The following SLCO3A1 variants were observed in gnomAD, a reference collection of about 807,000 sequenced individuals.
SLCO3A1 encodes solute carrier organic anion transporter family member 3A1, also known as PGE1 transporter.
SLCO3A1 carries 27 observed loss-of-function variants against 63.1 expected under a neutral mutation model. The observed-to-expected ratio is 0.43, with a 90% CI of 0.32 to 0.59. The LOEUF is 0.59. Ranked by LOEUF, SLCO3A1 falls within the 20% of genes least tolerant of loss-of-function variation. The pLI is 0.09. For synonymous variants in SLCO3A1, 473 were observed against 409.9 expected (o/e 1.15, Z -1.86); for missense variants, 773 against 945.8 (o/e 0.82, Z 2.40).
At chr15:92,136,992 C>G (rs929342718) in intron 7 of SLCO3A1, among the ~76,000 whole-genome samples, 3 of 136,220 alleles carry the variant, frequency 2.2e-5, no homozygotes, top group African/African-American at 8.2e-5. Context: ...TTTAATTATA[C>G]TTTAAGTTTT....
chr15:92,134,282 TG>T (rs2048030601), intron 7 of SLCO3A1, among the ~76,000 whole-genome samples: 1 of 152,240 alleles, frequency 6.6e-6, no homozygotes, highest in Non-Finnish European at 1.5e-5. Flanking sequence ...GTACTTATCC[TG>T]GTAATGGCTT....
At chr15:92,166,397 A>T (rs1374082158), downstream of SLCO3A1, among the ~76,000 whole-genome samples, 1 of 152,230 alleles carries the variant, frequency 6.6e-6, no homozygotes. Flanking sequence ...TCCTAGCAGG[A>T]GGGAGCGTGC....
intron 2 of SLCO3A1, among the ~76,000 whole-genome samples, chr15:91,947,823 C>G (rs1037826654): frequency 3.9e-5 from 6 of 152,108 alleles, no homozygotes; most frequent in African/African-American, 1.2e-4. Context: ...GCCCTAGCAG[C>G]CAGGTGACTT....
At chr15:92,149,540 GC>G (rs1343863240) in intron 8 of SLCO3A1, 3 of 152,198 alleles carry the variant, frequency 2.0e-5, no homozygotes, top group Admixed American at 6.5e-5. Flanking sequence ...CCCCTCTTAG[GC>G]CCCACGCTGG....
At chr15:92,132,608 A>G in intron 7 of SLCO3A1, among the ~76,000 whole-genome samples, 1 of 61,396 alleles carries the variant, frequency 1.6e-5, no homozygotes, top group East Asian at 3.5e-4. Context: ...GATGTACTAA[A>G]TAATTGAATA....
chr15:92,136,540 G>C (rs1467761253), intron 7 of SLCO3A1, among the ~76,000 whole-genome samples: 1 of 152,100 alleles, frequency 6.6e-6, no homozygotes, highest in African/African-American at 2.4e-5. Context: ...TCTCATCATT[G>C]TATGTGAATA....
intron 2 of SLCO3A1, among the ~76,000 whole-genome samples, chr15:91,956,303 A>AT (rs1900176273): frequency 6.6e-6 from 1 of 152,150 alleles, no homozygotes; most frequent in South Asian, 2.1e-4. Context: ...GGAGGATTTG[A>AT]TGCGAAATGG....
rs151237629 is a variant in SLCO3A1, at chr15:92,099,439, A to G, written c.745+4460A>G. 1.4e-4 allele frequency among the ~76,000 whole-genome samples: 15 copies of G among 104,548 alleles called. No individual in the cohort carries two copies. The East Asian group carries it at 3.4e-3, about 24-fold the overall frequency. 68.6% of individuals were successfully genotyped at this position (104,548 alleles called of 152,430 possible). On this transcript the variant is annotated intron_variant, in intron 3 of 9. Transcript: ENST00000318445. The stretch of plus-strand genomic sequence containing the variant: ...GGCAACATAGGTTAAACAAATGGGT[A>G]AATGAACTACAAAAAAAAAAAAGTC...
chr15:92,141,697 G>C (rs1256531328), intron 7 of SLCO3A1, among the ~76,000 whole-genome samples: 1 of 152,146 alleles, frequency 6.6e-6, no homozygotes, highest in Non-Finnish European at 1.5e-5. Flanking sequence ...TCTGGGAAAG[G>C]TGAAACTACC....
intron 2 of SLCO3A1, among the ~76,000 whole-genome samples, chr15:91,925,654 G>A (rs1898988797): frequency 1.3e-5 from 2 of 152,142 alleles, no homozygotes; most frequent in Admixed American, 1.3e-4. Context: ...TGTGGGGCGA[G>A]AGAAGTGGAC....
chr15:91,997,148 T>C (rs1278300679), intron 2 of SLCO3A1, among the ~76,000 whole-genome samples: 1 of 152,196 alleles, frequency 6.6e-6, no homozygotes, highest in Admixed American at 6.5e-5. Context: ...ATGACTTCTG[T>C]AAAGTTTCAG....
At chr15:92,011,603 T>A (rs1567065437) in intron 2 of SLCO3A1, among the ~76,000 whole-genome samples, 1 of 152,224 alleles carries the variant, frequency 6.6e-6, no homozygotes. Flanking sequence ...AGTTATTCTC[T>A]CTCTCATTCC....
At chr15:92,063,037 A>G (rs968535593) in intron 2 of SLCO3A1, among the ~76,000 whole-genome samples, 13 of 152,210 alleles carry the variant, frequency 8.5e-5, no homozygotes, top group African/African-American at 2.9e-4. Flanking sequence ...AGGTCACCCA[A>G]AAAGAACAAC....
At chr15:91,986,105 C>T (rs1282556939) in intron 2 of SLCO3A1, among the ~76,000 whole-genome samples, 1 of 152,142 alleles carries the variant, frequency 6.6e-6, no homozygotes, top group Admixed American at 6.5e-5. Context: ...GCTCTGGGAG[C>T]ACCTGGTGGG....
At chr15:92,115,413 G>A (rs1473914256) in intron 4 of SLCO3A1, among the ~76,000 whole-genome samples, 1 of 152,094 alleles carries the variant, frequency 6.6e-6, no homozygotes, top group African/African-American at 2.4e-5. Context: ...GTATCCCCAT[G>A]GCTCTGAGGA....
chr15:92,083,201 C>G (rs2151525727), intron 2 of SLCO3A1, among the ~76,000 whole-genome samples: 1 of 152,276 alleles, frequency 6.6e-6, no homozygotes, highest in South Asian at 2.1e-4. Context: ...TTTCTTGTTT[C>G]CTCGAAGTTG....
intron 1 of SLCO3A1, among the ~76,000 whole-genome samples, chr15:91,857,875 TCTAGTTTC>T (rs1208734120): frequency 6.6e-6 from 1 of 152,168 alleles, no homozygotes; most frequent in Non-Finnish European, 1.5e-5. Context: ...AAAAGGCCAG[TCTAGTTTC>T]CTGGGTGGGG....
At chr15:92,102,011 A>G (rs1042169432) in intron 3 of SLCO3A1, among the ~76,000 whole-genome samples, 8 of 152,090 alleles carry the variant, frequency 5.3e-5, no homozygotes, top group African/African-American at 1.7e-4. Context: ...CAGAGTCACT[A>G]ACTTCCTAAC....
Position 91,872,684 on chromosome 15 carries a change from G to A in SLCO3A1, c.180+18596G>A, listed in dbSNP as rs62010892. Among the ~76,000 whole-genome samples the A allele has an allele frequency of 0.18, 27,489 of 152,240 alleles. 2,855 individuals carry two copies. Among genetic ancestry groups the A allele is most frequent in the Middle Eastern group, 0.27 (80 of 294 alleles). ...GCCTTGAAAAAATTCGCAGCTGAAT[G>A]CTTCAGTGTCTTGAGTGTGTTGATA... On this transcript the variant is annotated intron_variant, in intron 1 of 9. Coordinates refer to ENST00000318445, the MANE Select transcript of SLCO3A1 (RefSeq NM_013272.4). The surrounding 1 kb of genome is among the most constrained non-coding windows in gnomAD (Gnocchi z 4.1).
Sources: gnomAD v4.1 joint callset for allele counts (sites outside exome capture counted in the v4.1 genomes callset) on GRCh38, gnomAD v4.1.1 for gene constraint, Gnocchi (gnomAD v3.1) non-coding constraint, MANE v1.5 for transcripts, NCBI Gene and HGNC (gene_info 2026-07-23, HGNC 2026-07-21) for gene names.